Variants in EHMT2 observed in about 807,000 individuals in gnomAD.
EHMT2 encodes histone-lysine N-methyltransferase EHMT2.
A neutral mutation model predicts 143.3 loss-of-function variants in EHMT2; 59 were observed. That is an observed-to-expected ratio of 0.41 (90% CI 0.33 to 0.51). EHMT2 has a LOEUF of 0.51. Ranked by LOEUF, EHMT2 falls within the 20% of genes least tolerant of loss-of-function variation. EHMT2 has a pLI of 0.18. For missense variants in EHMT2, 1,174 were observed against 1,645.9 expected (o/e 0.71, Z 4.96); for synonymous variants, 604 against 651.5 (o/e 0.93, Z 1.11).
chr6:31,897,694 G>A (rs1766767028), upstream of EHMT2: 1 of 1,075,526 alleles, frequency 9.3e-7, no homozygotes. Context: ...TTGCGCTGGG[G>A]GCCGAGCCGG....
intron 25 of EHMT2, 55 bp downstream of exon 25, chr6:31,882,644 G>A: frequency 6.5e-7 from 1 of 1,527,278 alleles, no homozygotes; most frequent in Non-Finnish European, 9.0e-7. Flanking sequence ...CTGGCAGTCA[G>A]CAGTGGCCAT....
Position 31,881,769 on chromosome 6 carries a change from T to C in EHMT2, c.3198-677A>G, listed in dbSNP as rs1764138437. ...CATGATGGAAAGAAACTGGATGGTC[T>C]GTTGAACAGGCAAGTATGGTTAGAG... On this transcript the variant is annotated intron_variant, in intron 25 of 27. Transcript: ENST00000375537. This position sits in a 1 kb window ranked among gnomAD's most constrained non-coding sequence, Gnocchi z 4.8. Among the ~76,000 whole-genome samples the C allele has an allele frequency of 1.3e-5, 2 of 152,208 alleles. No homozygotes were observed. Among genetic ancestry groups the C allele is most frequent in the South Asian group, 4.1e-4 (2 of 4,832 alleles).
chr6:31,884,158 C>T lies in EHMT2; in HGVS notation c.2772-208G>A, dbSNP rs1208097391. 11 of 704,508 alleles carry T rather than the reference C, an allele frequency of 1.6e-5. No homozygotes were observed. Among genetic ancestry groups the T allele is most frequent in the Non-Finnish European group, 2.3e-5 (10 of 435,178 alleles). 43.6% of individuals were successfully genotyped at this position (704,508 alleles called of 1,614,324 possible). On this transcript the variant is annotated intron_variant, in intron 21 of 27. Coordinates refer to ENST00000375537, the Ensembl canonical transcript of EHMT2. This position sits in a 1 kb window ranked among gnomAD's most constrained non-coding sequence, Gnocchi z 7.3. ...TGTCCCAAAAATTACACAGGACATT[C>T]TCACACTAAAAAAGTATGCATCTGT... is the stretch of plus-strand genomic sequence containing the variant.
rs758263450 is a variant in EHMT2, at chr6:31,896,879, G to A, written c.109+44C>T. On this transcript the variant is annotated intron_variant, in intron 2 of 27. Coordinates refer to ENST00000375537, the Ensembl canonical transcript of EHMT2. Reference sequence around the variant, plus strand: ...AAGGGCTCAGGAGATCCTGTGTTTAGGGAAGGTGACGGTCCAATTGGGGCC... The same window carrying A: ...AAGGGCTCAGGAGATCCTGTGTTTAAGGAAGGTGACGGTCCAATTGGGGCC... 3.1e-6 allele frequency: 5 copies of A among 1,611,978 alleles called. No individual in the cohort carries two copies. In the South Asian group the frequency reaches 4.4e-5, roughly 14 times the overall value.
In EHMT2 at chr6:31,884,828, G is replaced by A. The variant is rs372842658; in HGVS notation, c.2449-29C>T. ...TGGAGGTAGGAGGGGAACAGATGAG[G>A]TGCAGGCAGCTGGGCCCTTGAATCC... On this transcript the variant is annotated intron_variant, in intron 19 of 27. Transcript: ENST00000375537. This position sits in a 1 kb window ranked among gnomAD's most constrained non-coding sequence, Gnocchi z 7.3. The A allele has an allele frequency of 6.3e-7, 1 of 1,583,806 alleles. No individual in the cohort carries two copies. The highest frequency in any genetic ancestry group is 1.3e-5 in the African/African-American group (1 of 74,312).
chr6:31,884,642 C>T lies in EHMT2; in HGVS notation c.2603+3G>A. On this transcript the variant is annotated splice_donor_region_variant and intron_variant, in intron 20 of 27. Transcript: ENST00000375537. This position sits in a 1 kb window ranked among gnomAD's most constrained non-coding sequence, Gnocchi z 7.3. ...GGGCATCAAGGGCGGGGCAGGGGCT[C>T]ACAGCACGCAGTCATGGTAGCTCTC... The T allele has an allele frequency of 6.3e-7, 1 of 1,589,544 alleles. No individual in the cohort carries two copies. Among genetic ancestry groups the T allele is most frequent in the Non-Finnish European group, 8.6e-7 (1 of 1,165,380 alleles).
chr6:31,883,453 G>A lies in EHMT2; in HGVS notation c.2917-14C>T, dbSNP rs1205218588. The A allele has an allele frequency of 6.2e-7, 1 of 1,609,664 alleles. No homozygotes were observed. Among genetic ancestry groups the A allele is most frequent in the Admixed American group, 1.7e-5 (1 of 59,568 alleles). On this transcript the variant is annotated splice_polypyrimidine_tract_variant and intron_variant, in intron 22 of 27. Coordinates refer to ENST00000375537, the Ensembl canonical transcript of EHMT2. The surrounding 1 kb of genome is among the most constrained non-coding windows in gnomAD (Gnocchi z 5.6). ...ACACGTGCAGTGCTGGGGCGAGGAG[G>A]CAGAGGTCAGCTCAACCCCATGATC... is the stretch of plus-strand genomic sequence containing the variant.
exon 2 of EHMT2, chr6:31,896,941 T>C: frequency 6.3e-7 from 1 of 1,595,414 alleles, no homozygotes; most frequent in East Asian, 2.2e-5. Flanking sequence ...GTGGCTCCTC[T>C]GGTTTCCTTC....
chr6:31,893,305 T>G (rs1024041768), intron 4 of EHMT2: 13 of 445,916 alleles, frequency 2.9e-5, no homozygotes, highest in Non-Finnish European at 5.7e-5. Context: ...GGAATAACAT[T>G]CAGCCATAAA....
chr6:31,883,666 G>A lies in EHMT2; in HGVS notation c.2916+140C>T. 4.0e-6 allele frequency: 5 copies of A among 1,262,974 alleles called. No homozygotes were observed. In the South Asian group the frequency reaches 6.7e-5, roughly 17 times the overall value. 78.2% of individuals were successfully genotyped at this position (1,262,974 alleles called of 1,614,324 possible). A position where few individuals can be genotyped will look rare whatever the true frequency, so the allele number is the denominator to read the frequency against. ...GACCTAGGAAAAGGATCCCTCCCCT[G>A]GTGGGGATGCGACCCCACACCAGGG... On this transcript the variant is annotated intron_variant, in intron 22 of 27. Transcript: ENST00000375537. This position sits in a 1 kb window ranked among gnomAD's most constrained non-coding sequence, Gnocchi z 5.6.
At chr6:31,896,275 T>C in exon 4 of EHMT2, 1 of 1,611,898 alleles carries the variant, frequency 6.2e-7, no homozygotes, top group Non-Finnish European at 8.5e-7. Context: ...GTCCATTTCC[T>C]GGTTTGGACA....
chr6:31,897,224 A>T, intron 1 of EHMT2: 10 of 1,197,422 alleles, frequency 8.4e-6, no homozygotes, highest in African/African-American at 1.6e-5. Context: ...AGAGAAGAGG[A>T]GGGGGAGGGG....
At chr6:31,887,406 T>A (rs1038793212) in intron 15 of EHMT2, among the ~76,000 whole-genome samples, 171 bp downstream of exon 15, 9 of 152,222 alleles carry the variant, frequency 5.9e-5, no homozygotes, top group African/African-American at 2.2e-4. Flanking sequence ...CCAGCACCTA[T>A]GAGTCACCAC....
Position 31,896,535 on chromosome 6 carries a change from A to G in EHMT2, c.329-19T>C. The G allele has an allele frequency of 6.2e-7, 1 of 1,611,452 alleles. No individual in the cohort carries two copies. The highest frequency in any genetic ancestry group is 8.5e-7 in the Non-Finnish European group (1 of 1,179,040). On this transcript the variant is annotated intron_variant, in intron 3 of 27. Transcript: ENST00000375537. ...GCATGGCCTAGAAAACAGGCAAGCA[A>G]AAGGCAAGATAAGAAAGAAGGCAAG...
chr6:31,893,591 C>T (rs904043507), intron 4 of EHMT2: 7 of 265,866 alleles, frequency 2.6e-5, no homozygotes, highest in African/African-American at 4.5e-5. Context: ...TACGGGATTA[C>T]AGGCGTGAGT....
At position 31,880,666 on chromosome 6, in the gene EHMT2, G is replaced by C. The variant is rs1267608366; in HGVS notation, c.3452+7C>G. 2 of 1,613,254 alleles carry C rather than the reference G, an allele frequency of 1.2e-6. No homozygotes were observed. The highest frequency in any genetic ancestry group is 2.7e-5 in the African/African-American group (2 of 74,876). On this transcript the variant is annotated splice_region_variant and intron_variant, in intron 27 of 27. Transcript: ENST00000375537. The surrounding 1 kb of genome is among the most constrained non-coding windows in gnomAD (Gnocchi z 6.6). ...GGCAGAGCCCCTAGAGACCCCTAGA[G>C]TCTCACCCTAGCTCCTCCCCAGTCC...
intron 7 of EHMT2, among the ~76,000 whole-genome samples, chr6:31,890,790 A>G (rs1380580624): frequency 2.7e-5 from 4 of 149,868 alleles, no homozygotes; most frequent in Non-Finnish European, 4.5e-5. Context: ...GCTTGAACTC[A>G]GGAGGTGGAG....
exon 4 of EHMT2, chr6:31,896,283 A>G (rs1334523299): frequency 6.2e-7 from 1 of 1,612,122 alleles, no homozygotes; most frequent in African/African-American, 1.3e-5. Flanking sequence ...CCTGGTTTGG[A>G]CATGGTTTTG....
chr6:31,883,573 T>C lies in EHMT2; in HGVS notation c.2917-134A>G, dbSNP rs1764401941. The C allele has an allele frequency of 9.6e-7, 1 of 1,044,040 alleles. No homozygotes were observed. The highest frequency in any genetic ancestry group is 1.6e-5 in the African/African-American group (1 of 63,388). The allele number at this position is 1,044,040 out of a possible 1,614,324, so 64.7% of individuals were successfully genotyped here. On this transcript the variant is annotated intron_variant, in intron 22 of 27. Coordinates refer to ENST00000375537, the Ensembl canonical transcript of EHMT2. The surrounding 1 kb of genome is among the most constrained non-coding windows in gnomAD (Gnocchi z 5.6). ...TTACAACAGTGGGTGGTGATGGTCC[T>C]AGGGTGACGGGTAATCAGTATGGTG...
Sources: allele counts gnomAD v4.1 joint callset (sites outside exome capture counted in the v4.1 genomes callset), GRCh38; gene constraint gnomAD v4.1.1; non-coding constraint Gnocchi (gnomAD v3.1); transcripts MANE v1.5; gene names NCBI Gene and HGNC (gene_info 2026-07-23, HGNC 2026-07-21).